Variants in TCTN2 observed in about 807,000 individuals in gnomAD.
TCTN2 encodes the protein tectonic-2.
A neutral mutation model predicts 83.4 loss-of-function variants in TCTN2; 66 were observed. That is an observed-to-expected ratio of 0.79 (90% confidence interval 0.65 to 0.97). The LOEUF (loss-of-function observed/expected upper bound fraction) is 0.97. TCTN2 is among the 50% of genes least tolerant of loss of function. TCTN2 has a pLI of 0.00. For synonymous variants in TCTN2, 301 were observed against 326.7 expected (o/e 0.92, Z 0.85); for missense variants, 794 against 858.1 (o/e 0.93, Z 0.93).
rs754881776 is a variant in TCTN2, at chr12:123,671,233, T to A, written c.-8T>A. 1.9e-6 allele frequency: 3 copies of A among 1,611,626 alleles called. No homozygotes were observed. The highest frequency in any genetic ancestry group is 2.5e-6 in the Non-Finnish European group (3 of 1,179,382). On this transcript the variant is annotated 5_prime_UTR_variant, in exon 1 of 18. Coordinates refer to ENST00000303372, the MANE Select transcript of TCTN2 (RefSeq NM_024809.5). ...GTTCTGCTGTGCCCGGCCCGCGAGG[T>A]CTAAGGCATGGGCTTCCAGCCTCCG...
Position 123,707,711 on chromosome 12 carries a change from T to C in TCTN2, c.2092T>C (p.Ter698GlnextTer9). The change falls in exon 18 of 18, where the codon TAG (stop) becomes CAG (glutamine). Residue 698 changes from the stop codon to glutamine, a stop_lost. Transcript: ENST00000303372. ...GACCAGAATATGCAAAGCCTATAGT[T>C]AGACAACCACCTGGCTTTTATTTTT... is the stretch of plus-strand genomic sequence containing the variant. ...PWTRICKAYS[*>Q] 1 of 1,612,852 alleles carries C rather than the reference T, an allele frequency of 6.2e-7. No homozygotes were observed. The highest frequency in any genetic ancestry group is 8.5e-7 in the Non-Finnish European group (1 of 1,178,848).
intron 8 of TCTN2, among the ~76,000 whole-genome samples, chr12:123,692,212 AT>A (rs376088445): frequency 6.6e-6 from 1 of 151,908 alleles, no homozygotes; most frequent in Non-Finnish European, 1.5e-5. Flanking sequence ...CGCCCGGCTA[AT>A]TTTTTTGTAT....
Position 123,692,685 on chromosome 12 carries a change from A to C in TCTN2, c.1061A>C (p.Glu354Ala), listed in dbSNP as rs768002013. ...ATAGTTACACCAAAAGTGATCTATGAGGAAGCAACTGACCTAGACAAATTC... is the reference window on the plus strand; with the variant it reads ...ATAGTTACACCAAAAGTGATCTATGCGGAAGCAACTGACCTAGACAAATTC... Reference protein sequence around the residue: ...GGIVTPKVIYEEATDLDKFIT... With the variant: ...GGIVTPKVIYAEATDLDKFIT... Residue 354 changes from glutamate (E) to alanine (A), a missense_variant, in exon 9 of 18, where the codon GAG (glutamate) becomes GCG (alanine). Coordinates refer to ENST00000303372, the MANE Select transcript of TCTN2 (RefSeq NM_024809.5). 2 of 1,613,794 alleles carry C rather than the reference A, an allele frequency of 1.2e-6. No individual in the cohort carries two copies. The highest frequency in any genetic ancestry group is 8.5e-7 in the Non-Finnish European group (1 of 1,179,674).
rs748210114 is a variant in TCTN2, at chr12:123,707,639, C to T, written c.2020C>T (p.Leu674=). The T allele has an allele frequency of 1.9e-5, 31 of 1,614,120 alleles. No individual in the cohort carries two copies. The highest frequency in any genetic ancestry group is 2.5e-5 in the Non-Finnish European group (30 of 1,180,050). Residue 674 remains leucine, a synonymous_variant, in exon 18 of 18, where the codon CTG becomes TTG. Transcript: ENST00000303372. The part of the protein sequence containing the change: ...LHSQCVAKGL[L]LLLFLTLALF... Reference sequence around the variant, plus strand: ...TTCTCAGTGTGTTGCTAAGGGCTTACTGTTGCTGTTGTTCCTCACATTGGC... The same window carrying T: ...TTCTCAGTGTGTTGCTAAGGGCTTATTGTTGCTGTTGTTCCTCACATTGGC...
At chr12:123,686,015 T>C (rs1419301736) in intron 5 of TCTN2, among the ~76,000 whole-genome samples, 4 of 151,876 alleles carry the variant, frequency 2.6e-5, no homozygotes, top group Admixed American at 1.3e-4. Flanking sequence ...TCAGGCATGA[T>C]GCACTGCGTG....
chr12:123,705,472 G>A (rs1956218369), intron 15 of TCTN2, among the ~76,000 whole-genome samples: 1 of 151,950 alleles, frequency 6.6e-6, no homozygotes. Context: ...GCCTCCATCG[G>A]TTTTAAGTGA....
Position 123,690,591 on chromosome 12 carries a change from A to C in TCTN2, c.950A>C (p.Asp317Ala), listed in dbSNP as rs1487372258. The C allele has an allele frequency of 1.2e-6, 2 of 1,614,070 alleles. No individual in the cohort carries two copies. The highest frequency in any genetic ancestry group is 1.7e-6 in the Non-Finnish European group (2 of 1,180,044). Residue 317 changes from aspartate to alanine, a missense_variant, in exon 8 of 18, where the codon GAT becomes GCT. Physicochemically the swap from Asp to Ala is moderately radical, Grantham distance 126. Coordinates refer to ENST00000303372, the MANE Select transcript of TCTN2 (RefSeq NM_024809.5). ...NAPVAFLHNF[D>A]VKCVTNLELY... ...CCAGTGGCATTTCTTCACAATTTTG[A>C]TGTTAAATGCGTTACTAATTTGGAA...
chr12:123,673,241 A>C lies in TCTN2; in HGVS notation c.268-374A>C, dbSNP rs112090316. 2.6e-5 allele frequency among the ~76,000 whole-genome samples: 4 copies of C among 152,310 alleles called. No individual in the cohort carries two copies. The South Asian group carries it at 6.2e-4, about 24-fold the overall frequency. On this transcript the variant is annotated intron_variant, in intron 3 of 17. Transcript: ENST00000303372. ...TTGTACCCCAGGAGTGAACATGTACATGTCTAAAGTCATTCTGGGATAAAC... is the reference window on the plus strand; with the variant it reads ...TTGTACCCCAGGAGTGAACATGTACCTGTCTAAAGTCATTCTGGGATAAAC...
At chr12:123,685,023 C>T (rs1955946947) in intron 5 of TCTN2, among the ~76,000 whole-genome samples, 2 of 149,354 alleles carry the variant, frequency 1.3e-5, no homozygotes, top group Non-Finnish European at 3.0e-5. Flanking sequence ...GCACTCCAGC[C>T]TGGGTGACAG....
chr12:123,671,549 G>T lies in TCTN2; in HGVS notation c.125G>T (p.Ser42Ile). ...ATCCGAATGTCCGGCCCTGCGGTCAGCGCGTCCCTGGTCGGAGACACCGAG... is the reference window on the plus strand; with the variant it reads ...ATCCGAATGTCCGGCCCTGCGGTCATCGCGTCCCTGGTCGGAGACACCGAG... ...PFIRMSGPAV[S>I]ASLVGDTEGV... Residue 42 changes from serine (S) to isoleucine (I), a missense_variant, in exon 2 of 18, where the codon AGC becomes ATC. Physicochemically the swap from Ser to Ile is moderately radical, Grantham distance 142. Coordinates refer to ENST00000303372, the MANE Select transcript of TCTN2 (RefSeq NM_024809.5). 15 of 1,614,056 alleles carry T rather than the reference G, an allele frequency of 9.3e-6. No homozygotes were observed. The highest frequency in any genetic ancestry group is 1.3e-5 in the Non-Finnish European group (15 of 1,180,024).
At chr12:123,697,399 A>G (rs1018613223) in intron 13 of TCTN2, among the ~76,000 whole-genome samples, 1 of 152,228 alleles carries the variant, frequency 6.6e-6, no homozygotes, top group Non-Finnish European at 1.5e-5. Context: ...TTTTCTTGGG[A>G]CTAAAGCCAG....
Position 123,688,147 on chromosome 12 carries a change from TG to T in TCTN2, c.862del (p.Val288Ter). The T allele has an allele frequency of 6.2e-7, 1 of 1,613,800 alleles. No homozygotes were observed. The highest frequency in any genetic ancestry group is 1.3e-5 in the African/African-American group (1 of 75,006). On this transcript the variant is annotated frameshift_variant, in exon 7 of 18. Coordinates refer to ENST00000303372, the MANE Select transcript of TCTN2 (RefSeq NM_024809.5). LOFTEE classifies it high-confidence loss of function. Reference sequence around the variant, plus strand: ...ACAAACAAGGAGATCCCATTATGACTGTAAAGAAGGCATATTTTACTATTCC... The same window carrying T: ...ACAAACAAGGAGATCCCATTATGACTTAAAGAAGGCATATTTTACTATTCC... ...GYKQGDPIMT[V>X]KKAYFTIPQV...
chr12:123,696,727 T>A, intron 12 of TCTN2: 1 of 567,656 alleles, frequency 1.8e-6, no homozygotes, highest in Non-Finnish European at 3.2e-6. Context: ...GTAGAAAAGA[T>A]TGAAATATGA....
intron 7 of TCTN2, among the ~76,000 whole-genome samples, chr12:123,688,461 T>G (rs1956003793): frequency 1.3e-5 from 2 of 152,110 alleles, no homozygotes; most frequent in Admixed American, 1.3e-4. Context: ...GTGATCCTAG[T>G]GCCTCAGCCT....
intron 4 of TCTN2, among the ~76,000 whole-genome samples, chr12:123,675,775 G>T (rs1955813026): frequency 6.6e-6 from 1 of 152,132 alleles, no homozygotes; most frequent in Non-Finnish European, 1.5e-5. Flanking sequence ...ACAGGAAAGG[G>T]CTGACAGTGA....
chr12:123,707,283 G>C, intron 17 of TCTN2: 1 of 619,006 alleles, frequency 1.6e-6, no homozygotes. Context: ...GTCTTGCTCT[G>C]ACACCCTGGC....
At chr12:123,682,732 T>C (rs1379850466) in intron 5 of TCTN2, among the ~76,000 whole-genome samples, 1 of 151,896 alleles carries the variant, frequency 6.6e-6, no homozygotes. Context: ...TCCGCCCGCC[T>C]CAGCCTCCCA....
intron 14 of TCTN2, 150 bp downstream of exon 14, chr12:123,699,960 G>A (rs1434239193): frequency 2.8e-6 from 2 of 708,036 alleles, no homozygotes; most frequent in Non-Finnish European, 5.2e-6. Flanking sequence ...AGATCTCCAG[G>A]CAGGAAACTT....
At chr12:123,673,841 C>T (rs1015420492) in intron 4 of TCTN2, 31 bp downstream of exon 4, 7 of 1,603,832 alleles carry the variant, frequency 4.4e-6, no homozygotes, top group Admixed American at 1.7e-5. Context: ...TCAAAACTTT[C>T]ATGTTGTTCC....
Sources: allele counts gnomAD v4.1 joint callset (sites outside exome capture counted in the v4.1 genomes callset), GRCh38; gene constraint gnomAD v4.1.1; transcripts MANE v1.5; gene names NCBI Gene and HGNC (gene_info 2026-07-23, HGNC 2026-07-21).